Variants in SUGCT observed in about 807,000 individuals in gnomAD.
SUGCT encodes the protein succinyl-CoA:glutarate CoA-transferase.
In SUGCT, 41 loss-of-function variants were observed where a neutral mutation model predicts 55.0. The observed-to-expected ratio is 0.74, with a 90% confidence interval of 0.58 to 0.97. The LOEUF is 0.97. SUGCT is among the 50% of genes least tolerant of loss of function. The pLI is 0.00. For missense variants in SUGCT, 568 were observed against 547.8 expected (o/e 1.04, Z -0.37); for synonymous variants, 187 against 200.4 (o/e 0.93, Z 0.56).
chr7:40,190,254 T>C (rs1785805357), intron 5 of SUGCT, among the ~76,000 whole-genome samples: 1 of 152,176 alleles, frequency 6.6e-6, no homozygotes, highest in South Asian at 2.1e-4. Flanking sequence ...TAGTACCTAC[T>C]TTCTTTCTTT....
At chr7:40,618,205 TG>T (rs1799101864) in intron 12 of SUGCT, among the ~76,000 whole-genome samples, 1 of 152,244 alleles carries the variant, frequency 6.6e-6, no homozygotes, top group Admixed American at 6.5e-5. Context: ...TATCTCTACA[TG>T]GATGTCTCAT....
chr7:40,956,090 T>C, the SUGCT span, among the ~76,000 whole-genome samples: 50,588 of 152,070 alleles, frequency 0.33, 9,138 homozygotes, highest in Admixed American at 0.45. Context: ...TGAAATTTTC[T>C]TTTTTTGTTG....
chr7:40,669,568 G>T (rs1349044424), intron 12 of SUGCT, among the ~76,000 whole-genome samples: 1 of 149,496 alleles, frequency 6.7e-6, no homozygotes, highest in Non-Finnish European at 1.5e-5. Flanking sequence ...TCTCAGCAAA[G>T]AAATAGAAGA....
rs11973386 is a variant in SUGCT, at chr7:40,272,095, C to G, written c.577-2418C>G. Among the ~76,000 whole-genome samples, 29 of 85,414 alleles carry G rather than the reference C, an allele frequency of 3.4e-4. 2 individuals are homozygous for G. The highest frequency in any genetic ancestry group is 5.5e-4 in the Non-Finnish European group (24 of 43,838). 56.0% of individuals were successfully genotyped at this position (85,414 alleles called of 152,430 possible). A position where few individuals can be genotyped will look rare whatever the true frequency, so the allele number is the denominator to read the frequency against. On this transcript the variant is annotated intron_variant, in intron 7 of 13. Transcript: ENST00000335693. ...TCTCTCTCTCTCTCTCTCTCTCTCTCTATATATATATATATATGGATGTTT... is the reference window on the plus strand; with the variant it reads ...TCTCTCTCTCTCTCTCTCTCTCTCTGTATATATATATATATATGGATGTTT...
At chr7:40,719,275 A>G (rs1786190892) in intron 12 of SUGCT, among the ~76,000 whole-genome samples, 1 of 152,096 alleles carries the variant, frequency 6.6e-6, no homozygotes, top group Non-Finnish European at 1.5e-5. Flanking sequence ...AGTCCTCTGT[A>G]TCCTAATCTT....
the SUGCT span, among the ~76,000 whole-genome samples, chr7:40,868,649 C>T: frequency 1.3e-5 from 2 of 152,128 alleles, no homozygotes; most frequent in Admixed American, 6.6e-5. Flanking sequence ...TGGGCTCAAG[C>T]GATCTCCCAT....
intron 13 of SUGCT, among the ~76,000 whole-genome samples, chr7:40,819,273 A>G (rs950812737): frequency 6.6e-6 from 1 of 152,158 alleles, no homozygotes; most frequent in African/African-American, 2.4e-5. Flanking sequence ...GTATATACCC[A>G]GTAATGGTTT....
chr7:40,948,411 C>T, the SUGCT span, among the ~76,000 whole-genome samples: 1 of 150,956 alleles, frequency 6.6e-6, no homozygotes, highest in African/African-American at 2.5e-5. Context: ...TCAACTCTGG[C>T]AGTAACTTCC....
At chr7:40,999,862 T>G in the SUGCT span, among the ~76,000 whole-genome samples, 9 of 152,176 alleles carry the variant, frequency 5.9e-5, no homozygotes, top group Admixed American at 2.6e-4. Flanking sequence ...TCAAGCTGAA[T>G]TTATTATTAT....
chr7:40,509,808 T>G (rs1367920706), intron 12 of SUGCT, among the ~76,000 whole-genome samples: 1 of 152,224 alleles, frequency 6.6e-6, no homozygotes, highest in Non-Finnish European at 1.5e-5. Context: ...CATCTGCTGC[T>G]ATTTACTTTT....
intron 12 of SUGCT, among the ~76,000 whole-genome samples, chr7:40,697,450 CGTG>C (rs1412646558): frequency 1.3e-5 from 2 of 152,026 alleles, no homozygotes; most frequent in African/African-American, 2.4e-5. Context: ...GCCTGGCCAA[CGTG>C]GTGAAACCCC....
chr7:40,167,768 G>A (rs1056243081), intron 1 of SUGCT, among the ~76,000 whole-genome samples: 3 of 152,158 alleles, frequency 2.0e-5, no homozygotes, highest in African/African-American at 2.4e-5. Context: ...CAGAAACACA[G>A]CGGACACCCT....
intron 6 of SUGCT, among the ~76,000 whole-genome samples, chr7:40,223,298 T>A (rs1788149380): frequency 1.3e-5 from 2 of 152,200 alleles, no homozygotes; most frequent in Non-Finnish European, 2.9e-5. Flanking sequence ...TGACCTCAAG[T>A]GATCCACCCG....
chr7:40,382,800 G>A (rs1277841649), intron 9 of SUGCT, among the ~76,000 whole-genome samples: 1 of 152,064 alleles, frequency 6.6e-6, no homozygotes, highest in East Asian at 1.9e-4. Context: ...TGAAAACTTT[G>A]TAAGCTCTTT....
chr7:40,508,079 G>T (rs960840622), intron 12 of SUGCT, among the ~76,000 whole-genome samples: 1 of 152,110 alleles, frequency 6.6e-6, no homozygotes, highest in African/African-American at 2.4e-5. Flanking sequence ...TCATCCTTAT[G>T]ACCTACCTTT....
At chr7:40,714,979 C>A (rs1785941969) in intron 12 of SUGCT, among the ~76,000 whole-genome samples, 1 of 152,100 alleles carries the variant, frequency 6.6e-6, no homozygotes, top group South Asian at 2.1e-4. Context: ...TATCATGTTC[C>A]TAAAACTCAG....
intron 12 of SUGCT, among the ~76,000 whole-genome samples, chr7:40,682,918 G>A (rs1232846666): frequency 2.6e-5 from 4 of 152,078 alleles, no homozygotes; most frequent in African/African-American, 9.7e-5. Flanking sequence ...AAAATGAAAG[G>A]TCAGTATGTA....
intron 12 of SUGCT, among the ~76,000 whole-genome samples, chr7:40,525,931 A>G (rs901266615): frequency 2.0e-5 from 3 of 152,188 alleles, no homozygotes; most frequent in Admixed American, 1.3e-4. Context: ...TGGCTGCACT[A>G]TCTGCCATCC....
At chr7:40,616,559 A>G (rs1208408599) in intron 12 of SUGCT, among the ~76,000 whole-genome samples, 3 of 152,386 alleles carry the variant, frequency 2.0e-5, no homozygotes, top group East Asian at 1.9e-4. Flanking sequence ...ATGCTAGTAA[A>G]TGATGCAATA....
Sources: allele counts gnomAD v4.1 joint callset (sites outside exome capture counted in the v4.1 genomes callset), GRCh38; gene constraint gnomAD v4.1.1; transcripts MANE v1.5; gene names NCBI Gene and HGNC (gene_info 2026-07-23, HGNC 2026-07-21).